Variants in GDPD4 observed in about 807,000 individuals in gnomAD.
GDPD4 encodes glycerophosphodiester phosphodiesterase 6.
GDPD4 carries 60 observed loss-of-function variants against 67.8 expected under a neutral mutation model. The ratio of observed to expected loss-of-function variants is 0.88; its 90% CI spans 0.72 to 1.10. GDPD4 has a LOEUF of 1.10. Among genes scored for constraint, GDPD4 ranks in the 50% least tolerant of loss-of-function variants. GDPD4 has a pLI of 0.00. For missense variants in GDPD4, 623 were observed against 613.9 expected (o/e 1.01, Z -0.16); for synonymous variants, 212 against 210.9 (o/e 1.00, Z -0.04).
intron 16 of GDPD4, among the ~76,000 whole-genome samples, chr11:77,219,076 T>C (rs1289295803): frequency 1.2e-4 from 19 of 152,288 alleles, no homozygotes; most frequent in South Asian, 4.1e-4. Flanking sequence ...TTTTAATGAT[T>C]GCCATTCTAA....
chr11:77,248,051 C>CAAAAAAAAAAAAAAAAA (rs34252021), intron 11 of GDPD4, among the ~76,000 whole-genome samples: 1 of 62,714 alleles, frequency 1.6e-5, no homozygotes, highest in African/African-American at 8.1e-5. Context: ...AACTCCGTCT[C>CAAAAAAAAAAAAAAAAA]AAAAAAAAAA....
intron 16 of GDPD4, among the ~76,000 whole-genome samples, chr11:77,223,133 T>G (rs1026133023): frequency 1.3e-5 from 2 of 152,164 alleles, no homozygotes; most frequent in African/African-American, 4.8e-5. Context: ...TTTTTGAAGG[T>G]TTTTAGCTTC....
At chr11:77,219,761 A>AGTACTG (rs1565502070) in intron 16 of GDPD4, among the ~76,000 whole-genome samples, 19 of 151,520 alleles carry the variant, frequency 1.3e-4, no homozygotes, top group African/African-American at 3.2e-4. Context: ...TACCAGTACC[A>AGTACTG]TGCTGTTTTG....
At chr11:77,233,890 G>T (rs1254709933) in intron 13 of GDPD4, among the ~76,000 whole-genome samples, 1 of 152,062 alleles carries the variant, frequency 6.6e-6, no homozygotes, top group Non-Finnish European at 1.5e-5. Context: ...TGAAAATAGG[G>T]GGAAAACCTA....
intron 13 of GDPD4, among the ~76,000 whole-genome samples, chr11:77,238,450 G>A (rs1395788423): frequency 6.6e-6 from 1 of 151,922 alleles, no homozygotes; most frequent in Non-Finnish European, 1.5e-5. Flanking sequence ...TAGGTGTGGT[G>A]GTGTGAGCCT....
At chr11:77,260,387 A>G (rs1458685471) in intron 10 of GDPD4, among the ~76,000 whole-genome samples, 2 of 152,206 alleles carry the variant, frequency 1.3e-5, no homozygotes, top group South Asian at 2.1e-4. Context: ...CCTCTAAAAA[A>G]GAGCTTAAAA....
chr11:77,282,583 G>A (rs557833347), intron 3 of GDPD4, among the ~76,000 whole-genome samples: 1 of 151,972 alleles, frequency 6.6e-6, no homozygotes, highest in African/African-American at 2.4e-5. Flanking sequence ...AAGCTTGGGA[G>A]GCAGAGGCTG....
At chr11:77,278,931 A>T (rs1959622248) in intron 4 of GDPD4, among the ~76,000 whole-genome samples, 1 of 152,210 alleles carries the variant, frequency 6.6e-6, no homozygotes, top group Non-Finnish European at 1.5e-5. Flanking sequence ...AGAAAGACTG[A>T]TTTTCAGAAG....
intron 10 of GDPD4, among the ~76,000 whole-genome samples, chr11:77,266,422 C>A (rs762110501): frequency 6.6e-6 from 1 of 152,106 alleles, no homozygotes; most frequent in Non-Finnish European, 1.5e-5. Flanking sequence ...CATACAACTA[C>A]AGATAATACA....
At chr11:77,298,374 T>C (rs1320732835) in intron 1 of GDPD4, among the ~76,000 whole-genome samples, 1 of 152,046 alleles carries the variant, frequency 6.6e-6, no homozygotes, top group Admixed American at 6.6e-5. Flanking sequence ...TAGCCAGGTG[T>C]GGTGGCGCAC....
intron 1 of GDPD4, among the ~76,000 whole-genome samples, chr11:77,290,224 G>A (rs879301959): frequency 1.3e-5 from 2 of 152,164 alleles, no homozygotes; most frequent in Non-Finnish European, 2.9e-5. Flanking sequence ...AATCTTACAC[G>A]ATAGGAGAGG....
chr11:77,251,920 T>C (rs1417855946), intron 11 of GDPD4, among the ~76,000 whole-genome samples: 2 of 152,170 alleles, frequency 1.3e-5, no homozygotes, highest in African/African-American at 2.4e-5. Context: ...TGGGTAATTT[T>C]CAAATGATAC....
intron 13 of GDPD4, among the ~76,000 whole-genome samples, chr11:77,236,051 G>T (rs1210413615): frequency 6.7e-6 from 1 of 149,918 alleles, no homozygotes. Context: ...AGAGAGGGAA[G>T]GAGTGATCAA....
intron 9 of GDPD4, 91 bp from the exon 10 acceptor site, chr11:77,268,630 G>A: frequency 9.7e-7 from 1 of 1,035,518 alleles, no homozygotes; most frequent in Non-Finnish European, 1.5e-6. Flanking sequence ...GTAGGATTTT[G>A]GGGAGCAGAG....
chr11:77,227,807 C>T lies in GDPD4; in HGVS notation c.1525+57G>A, dbSNP rs528782860. ...GGGACATGAAAAGCTGCCTCTGTCT[C>T]CTGGAAGCAATGGGTAGGGATGAAG... On this transcript the variant is annotated intron_variant, in intron 16 of 16. Transcript: ENST00000315938. 4.6e-6 allele frequency: 6 copies of T among 1,313,132 alleles called. No individual in the cohort carries two copies. In the South Asian group the frequency reaches 5.9e-5, roughly 13 times the overall value. The allele number at this position is 1,313,132 out of a possible 1,614,324, so 81.3% of individuals were successfully genotyped here.
chr11:77,242,071 G>T (rs1459219265), intron 13 of GDPD4, among the ~76,000 whole-genome samples: 2 of 131,832 alleles, frequency 1.5e-5, no homozygotes, highest in East Asian at 2.2e-4. Context: ...GGGTCAAAAG[G>T]TATAAAGTTT....
intron 11 of GDPD4, among the ~76,000 whole-genome samples, chr11:77,249,675 C>T (rs921758287): frequency 6.6e-6 from 1 of 152,172 alleles, no homozygotes; most frequent in Admixed American, 6.5e-5. Context: ...GGTAGGAAAA[C>T]TTGAACCATC....
At chr11:77,228,607 G>A (rs1164987753) in intron 15 of GDPD4, among the ~76,000 whole-genome samples, 7 of 151,828 alleles carry the variant, frequency 4.6e-5, no homozygotes, top group Non-Finnish European at 1.5e-5. Context: ...GAACCCAGGA[G>A]GTGGAGGCTG....
intron 16 of GDPD4, among the ~76,000 whole-genome samples, chr11:77,225,247 G>C (rs539471187): frequency 1.8e-4 from 28 of 151,414 alleles, no homozygotes; most frequent in Non-Finnish European, 3.8e-4. Flanking sequence ...GCTGCAGTGA[G>C]CTGAGATCAT....
Sources: allele counts gnomAD v4.1 joint callset (sites outside exome capture counted in the v4.1 genomes callset), GRCh38; gene constraint gnomAD v4.1.1; transcripts MANE v1.5; gene names NCBI Gene and HGNC (gene_info 2026-07-23, HGNC 2026-07-21).